Variants in GRIK2 observed in about 807,000 individuals in gnomAD.
The protein encoded by GRIK2 is glutamate receptor ionotropic, kainate 2.
Under a neutral mutation model 100.3 loss-of-function variants are expected in GRIK2, and 32 were observed. The observed-to-expected ratio is 0.32, with a 90% CI of 0.24 to 0.43. GRIK2 has a LOEUF of 0.43. GRIK2 is among the 20% of genes least tolerant of loss of function. GRIK2 has a pLI of 1.00. For synonymous variants in GRIK2, 417 were observed against 389.4 expected (o/e 1.07, Z -0.83); for missense variants, 843 against 1,114.9 (o/e 0.76, Z 3.47).
intron 2 of GRIK2, among the ~76,000 whole-genome samples, chr6:101,585,749 T>C (rs1483686125): frequency 6.6e-6 from 1 of 152,104 alleles, no homozygotes; most frequent in Non-Finnish European, 1.5e-5. Context: ...GAACAAAGAA[T>C]TGGCAAACAA....
intron 12 of GRIK2, among the ~76,000 whole-genome samples, chr6:101,912,429 G>A (rs1429887948): frequency 6.6e-6 from 1 of 151,414 alleles, no homozygotes; most frequent in South Asian, 2.1e-4. Context: ...TAGTATTTAC[G>A]TGCAGCTCCT....
chr6:101,937,045 A>G lies in GRIK2; in HGVS notation c.2085+8413A>G, dbSNP rs139644444. Among the ~76,000 whole-genome samples, 1,476 of 152,270 alleles carry G rather than the reference A, an allele frequency of 9.7e-3. 18 individuals are homozygous for G. Among genetic ancestry groups the G allele is most frequent in the Non-Finnish European group, 0.017 (1,136 of 68,014 alleles). ...TTTTATCTTCGAAAGTAGCCTCTCT[A>G]AAATATCTAAGGGACAGAAGTTTAA... On this transcript the variant is annotated intron_variant, in intron 14 of 16. Transcript: ENST00000369134.
rs147234579 is a variant in GRIK2 at position 101,639,286 on chromosome 6, G to A, written c.541+12649G>A. On this transcript the variant is annotated intron_variant, in intron 4 of 16. Coordinates refer to ENST00000369134, the MANE Select transcript of GRIK2 (RefSeq NM_021956.5). ...TGATATCAAGTGATCTGCCCTCCTC[G>A]GCCTCCCAAAATGCTGGGATTACAG... is the stretch of plus-strand genomic sequence containing the variant. 4.0e-3 allele frequency among the ~76,000 whole-genome samples: 614 copies of A among 152,050 alleles called. 6 individuals are homozygous for A. Among genetic ancestry groups the A allele is most frequent in the South Asian group, 0.016 (76 of 4,822 alleles).
At chr6:101,573,611 A>G (rs1777657041) in intron 2 of GRIK2, among the ~76,000 whole-genome samples, 1 of 152,152 alleles carries the variant, frequency 6.6e-6, no homozygotes, top group African/African-American at 2.4e-5. Context: ...GGCTCAGCAA[A>G]GTGTTGGATA....
chr6:101,400,828 T>C (rs1238871485), intron 2 of GRIK2, among the ~76,000 whole-genome samples: 1 of 152,200 alleles, frequency 6.6e-6, no homozygotes, highest in Non-Finnish European at 1.5e-5. Context: ...AAAGAGGCAC[T>C]GGGTTATAGC....
intron 16 of GRIK2, among the ~76,000 whole-genome samples, chr6:102,059,330 C>G (rs1428919979): frequency 1.3e-5 from 2 of 151,234 alleles, no homozygotes; most frequent in Non-Finnish European, 3.0e-5. Context: ...TTAAAATACT[C>G]AGAACCTTTT....
At chr6:101,667,035 C>G (rs947280320) in intron 4 of GRIK2, among the ~76,000 whole-genome samples, 1 of 151,976 alleles carries the variant, frequency 6.6e-6, no homozygotes, top group Non-Finnish European at 1.5e-5. Flanking sequence ...ATTTAAATAC[C>G]TTTGTCTATA....
At chr6:101,617,944 GTATA>G in intron 2 of GRIK2, among the ~76,000 whole-genome samples, 1 of 150,998 alleles carries the variant, frequency 6.6e-6, no homozygotes, top group East Asian at 1.9e-4. Context: ...ATATGTGTGT[GTATA>G]TATATGTGTG....
chr6:101,754,956 A>T (rs1777033372), intron 7 of GRIK2, among the ~76,000 whole-genome samples: 2 of 152,116 alleles, frequency 1.3e-5, no homozygotes, highest in Admixed American at 1.3e-4. Context: ...CACATGGGAG[A>T]ATATGAACTT....
intron 7 of GRIK2, among the ~76,000 whole-genome samples, chr6:101,694,448 A>T (rs1474657819): frequency 6.6e-6 from 1 of 152,146 alleles, no homozygotes; most frequent in Non-Finnish European, 1.5e-5. Context: ...ATTAAAAGAT[A>T]ATTATAAATA....
At chr6:102,055,711 A>G (rs1771431058) in intron 16 of GRIK2, 131 bp downstream of exon 16, 1 of 608,222 alleles carries the variant, frequency 1.6e-6, no homozygotes, top group East Asian at 2.7e-5. Context: ...GTCTTATGTC[A>G]TTCATTACAT....
intron 2 of GRIK2, among the ~76,000 whole-genome samples, chr6:101,556,127 C>T (rs1336010059): frequency 1.3e-5 from 2 of 151,660 alleles, no homozygotes; most frequent in Non-Finnish European, 2.9e-5. Context: ...ATCTTTATAT[C>T]TCCATAAATG....
intron 14 of GRIK2, among the ~76,000 whole-genome samples, chr6:101,987,808 TTC>T (rs890425162): frequency 1.3e-5 from 2 of 151,672 alleles, no homozygotes; most frequent in Admixed American, 6.6e-5. Context: ...TCTATAACTT[TTC>T]TCTGTTTCTA....
intron 2 of GRIK2, among the ~76,000 whole-genome samples, chr6:101,400,501 T>C (rs569445532): frequency 3.3e-5 from 5 of 152,268 alleles, no homozygotes; most frequent in African/African-American, 1.2e-4. Context: ...CCTCTGACAG[T>C]TCAAGTGGAT....
chr6:101,479,968 A>G (rs1281584660), intron 2 of GRIK2, among the ~76,000 whole-genome samples: 2 of 152,218 alleles, frequency 1.3e-5, no homozygotes, highest in African/African-American at 4.8e-5. Flanking sequence ...GTCAACTCCC[A>G]TAAATCTATA....
chr6:101,522,231 G>A (rs1774914221), intron 2 of GRIK2, among the ~76,000 whole-genome samples: 1 of 152,080 alleles, frequency 6.6e-6, no homozygotes, highest in Non-Finnish European at 1.5e-5. Context: ...CAAGGCCTTT[G>A]TCACAGTTGA....
Position 101,686,214 on chromosome 6 carries a change from A to G in GRIK2, c.812A>G (p.Tyr271Cys). The G allele has an allele frequency of 1.2e-6, 2 of 1,612,696 alleles. No individual in the cohort carries two copies. The highest frequency in any genetic ancestry group is 1.7e-6 in the Non-Finnish European group (2 of 1,178,850). The change falls in exon 7 of 17, where the codon TAC becomes TGC. Residue 271 changes from tyrosine to cysteine, a missense_variant. By Grantham distance (194) the Tyr-to-Cys change is radical. Transcript: ENST00000369134. Reference protein sequence around the residue: ...LFALDVEPYRYSGVNMTGFRI... With the variant: ...LFALDVEPYRCSGVNMTGFRI... ...GCTCTTGATGTTGAGCCCTACCGAT[A>G]CAGTGGTGTTAACATGACAGGGTTC... is the stretch of plus-strand genomic sequence containing the variant.
intron 7 of GRIK2, among the ~76,000 whole-genome samples, chr6:101,692,886 C>A (rs1372397314): frequency 6.6e-6 from 1 of 151,940 alleles, no homozygotes; most frequent in Non-Finnish European, 1.5e-5. Context: ...ATAAGTACAA[C>A]ATTTGTTACA....
At chr6:102,042,235 C>T (rs1299126076) in intron 15 of GRIK2, among the ~76,000 whole-genome samples, 1 of 151,506 alleles carries the variant, frequency 6.6e-6, no homozygotes, top group Non-Finnish European at 1.5e-5. Flanking sequence ...GTAAACAGAG[C>T]TCAAGATATA....
Sources: allele counts gnomAD v4.1 joint callset (sites outside exome capture counted in the v4.1 genomes callset), GRCh38; gene constraint gnomAD v4.1.1; transcripts MANE v1.5; gene names NCBI Gene and HGNC (gene_info 2026-07-23, HGNC 2026-07-21).